TRIM49C: variants seen among roughly 807,000 people sequenced by gnomAD.
TRIM49C encodes tripartite motif containing 49C.
A neutral mutation model predicts 21.4 loss-of-function variants in TRIM49C; 6 were observed. That is an observed-to-expected ratio of 0.28 (90% CI 0.15 to 0.55). The LOEUF (loss-of-function observed/expected upper bound fraction) is 0.55. Among genes scored for constraint, TRIM49C ranks in the 20% least tolerant of loss-of-function variants. TRIM49C has a pLI of 0.94. For synonymous variants in TRIM49C, 57 were observed against 148.1 expected (o/e 0.38, Z 4.47); for missense variants, 161 against 442.4 (o/e 0.36, Z 5.71).
the TRIM49C span, among the ~76,000 whole-genome samples, chr11:90,048,801 G>T: frequency 5.6e-5 from 7 of 125,582 alleles, 1 homozygote; most frequent in South Asian, 1.4e-3. Context: ...TTGTTCCATT[G>T]CTGGTGAGGA....
the TRIM49C span, among the ~76,000 whole-genome samples, chr11:90,065,788 G>A: frequency 7.2e-6 from 1 of 138,084 alleles, no homozygotes; most frequent in Non-Finnish European, 1.6e-5. Context: ...AACTCCATCT[G>A]TACTAAAAAT....
the TRIM49C span, among the ~76,000 whole-genome samples, chr11:90,069,997 C>G: frequency 7.4e-6 from 1 of 134,470 alleles, no homozygotes; most frequent in Non-Finnish European, 1.6e-5. Flanking sequence ...CTCCCTTGAC[C>G]CACCCCCTCC....
At chr11:90,034,008 C>T (rs1283090829) in intron 2 of TRIM49C, among the ~76,000 whole-genome samples, 2 of 128,390 alleles carry the variant, frequency 1.6e-5, no homozygotes, top group African/African-American at 5.9e-5. Context: ...ATACATCTGT[C>T]CACAAGCTAT....
At chr11:90,062,351 C>T in the TRIM49C span, among the ~76,000 whole-genome samples, 515 of 130,822 alleles carry the variant, frequency 3.9e-3, 1 homozygote, top group African/African-American at 0.011. Flanking sequence ...CTCCACAGCT[C>T]CATTCTATAT....
the TRIM49C span, among the ~76,000 whole-genome samples, chr11:90,048,793 G>A: frequency 1.6e-5 from 2 of 125,540 alleles, no homozygotes; most frequent in Admixed American, 8.9e-5. Context: ...ATCCAGCTTT[G>A]TTCCATTGCT....
chr11:90,066,376 G>A, the TRIM49C span, among the ~76,000 whole-genome samples: 3 of 136,244 alleles, frequency 2.2e-5, no homozygotes, highest in African/African-American at 7.9e-5. Flanking sequence ...AGTTGCTTAT[G>A]TGCCTAGCCG....
the TRIM49C span, among the ~76,000 whole-genome samples, chr11:90,064,225 C>G: frequency 6.7e-6 from 1 of 149,542 alleles, no homozygotes; most frequent in African/African-American, 2.5e-5. Context: ...CTCTTCCTTT[C>G]AATACATTAA....
chr11:90,043,779 TGA>T (rs1950785971), downstream of TRIM49C, among the ~76,000 whole-genome samples: 1 of 120,108 alleles, frequency 8.3e-6, no homozygotes, highest in Non-Finnish European at 1.7e-5. Flanking sequence ...CTGGAAAGTT[TGA>T]TTTTTTTTTA....
At chr11:90,060,025 C>A in the TRIM49C span, among the ~76,000 whole-genome samples, 1,750 of 131,728 alleles carry the variant, frequency 0.013, 1 homozygote, top group East Asian at 0.029. Flanking sequence ...GATTGGGAAA[C>A]CAAACTTCCG....
At chr11:90,045,057 G>C (rs1319327036), downstream of TRIM49C, among the ~76,000 whole-genome samples, 6 of 120,296 alleles carry the variant, frequency 5.0e-5, no homozygotes, top group African/African-American at 1.5e-4. Context: ...GCTTGTTTTT[G>C]TCAGATTTGT....
chr11:90,058,111 ATAT>A, the TRIM49C span: 1 of 1,084,926 alleles, frequency 9.2e-7, no homozygotes, highest in Admixed American at 2.9e-5. Context: ...AAGGAAAAAA[ATAT>A]TATATTAGTG....
chr11:90,035,719 C>T lies in TRIM49C; in HGVS notation c.411+97C>T. On this transcript the variant is annotated intron_variant, in intron 3 of 7. Coordinates refer to ENST00000448984, the MANE Select transcript of TRIM49C (RefSeq NM_001195234.1). ...ATTAGGTAAAGCCAACTCTGAGTCC[C>T]TTTAAGCAGCTCTGTTTGGGCTTTC... 5.2e-6 allele frequency: 7 copies of T among 1,346,634 alleles called. 2 individuals carry two copies. The highest frequency in any genetic ancestry group is 5.5e-5 in the East Asian group (2 of 36,316). 83.4% of individuals were successfully genotyped at this position (1,346,634 alleles called of 1,614,324 possible).
At chr11:90,043,427 A>G (rs1950782720), downstream of TRIM49C, among the ~76,000 whole-genome samples, 1 of 126,142 alleles carries the variant, frequency 7.9e-6, no homozygotes, top group Non-Finnish European at 1.7e-5. Flanking sequence ...TCTGTCTCAT[A>G]ATAAAACAAA....
chr11:90,043,315 C>T (rs1950782168), downstream of TRIM49C, among the ~76,000 whole-genome samples: 1 of 135,540 alleles, frequency 7.4e-6, no homozygotes, highest in Non-Finnish European at 1.6e-5. Context: ...ATAGTCCCAG[C>T]TACTCAGGGG....
At chr11:90,054,321 A>G in the TRIM49C span, among the ~76,000 whole-genome samples, 2 of 132,786 alleles carry the variant, frequency 1.5e-5, no homozygotes, top group South Asian at 2.6e-4. Flanking sequence ...TTCCACTGGC[A>G]TGTTAAGTAT....
chr11:90,043,253 CAT>C (rs1001740813), downstream of TRIM49C, among the ~76,000 whole-genome samples: 1 of 141,960 alleles, frequency 7.0e-6, no homozygotes, highest in African/African-American at 2.6e-5. Context: ...AGTGAGACCT[CAT>C]GTCTACTAAA....
At chr11:90,043,457 C>T, downstream of TRIM49C, among the ~76,000 whole-genome samples, 1 of 122,984 alleles carries the variant, frequency 8.1e-6, no homozygotes, top group Middle Eastern at 3.6e-3. Context: ...CTTGATATAA[C>T]ACAAACCAAT....
At chr11:90,069,271 ATT>A in the TRIM49C span, among the ~76,000 whole-genome samples, 8 of 115,732 alleles carry the variant, frequency 6.9e-5, no homozygotes, top group African/African-American at 3.6e-5. Flanking sequence ...CGCCCAGCTA[ATT>A]TTTTTTTTTT....
chr11:90,072,299 G>A, the TRIM49C span, among the ~76,000 whole-genome samples: 6 of 148,354 alleles, frequency 4.0e-5, no homozygotes, highest in Non-Finnish European at 6.0e-5. Flanking sequence ...CAATAAGAAC[G>A]TGATTTGGTG....
Sources: gnomAD v4.1 joint callset for allele counts (sites outside exome capture counted in the v4.1 genomes callset) on GRCh38, gnomAD v4.1.1 for gene constraint, MANE v1.5 for transcripts, NCBI Gene and HGNC (gene_info 2026-07-23, HGNC 2026-07-21) for gene names.